The following CACHD1 variants were observed in gnomAD, a reference collection of about 807,000 sequenced individuals.
The protein encoded by CACHD1 is VWFA and cache domain-containing protein 1.
CACHD1 carries 71 observed loss-of-function variants against 138.7 expected under a neutral mutation model. That is an observed-to-expected ratio of 0.51 (90% CI 0.42 to 0.62). CACHD1 has a LOEUF of 0.62. CACHD1 is among the 20% of genes least tolerant of loss of function. CACHD1 has a pLI of 0.00. For synonymous variants in CACHD1, 578 were observed against 591.5 expected (o/e 0.98, Z 0.33); for missense variants, 1,389 against 1,625.3 (o/e 0.85, Z 2.50).
intron 4 of CACHD1, among the ~76,000 whole-genome samples, chr1:64,619,592 T>C (rs933965611): frequency 9.2e-5 from 14 of 152,188 alleles, no homozygotes; most frequent in Non-Finnish European, 2.9e-5. Context: ...GGCAAAAGCA[T>C]CTTGGAATGG....
chr1:64,477,612 ATTATTATTATTATT>A, intron 1 of CACHD1, among the ~76,000 whole-genome samples: 1 of 142,354 alleles, frequency 7.0e-6, no homozygotes, highest in Non-Finnish European at 1.5e-5. Context: ...TATTATTATT[ATTATTATTATTATT>A]TTATTTTATT....
intron 26 of CACHD1, among the ~76,000 whole-genome samples, chr1:64,683,809 G>A (rs1286256803): frequency 1.3e-5 from 2 of 152,206 alleles, no homozygotes; most frequent in African/African-American, 4.8e-5. Flanking sequence ...ATTTAAATGC[G>A]TGTTGGCATC....
At chr1:64,672,470 C>T (rs1342687391) in intron 17 of CACHD1, among the ~76,000 whole-genome samples, 1 of 152,142 alleles carries the variant, frequency 6.6e-6, no homozygotes, top group Non-Finnish European at 1.5e-5. Context: ...GACAGAAAGA[C>T]CACATTCACA....
intron 16 of CACHD1, 24 bp downstream of exon 16, chr1:64,666,191 G>A (rs1251703493): frequency 7.0e-7 from 1 of 1,419,002 alleles, no homozygotes; most frequent in Non-Finnish European, 9.8e-7. Flanking sequence ...TAACTTTATA[G>A]TCATTTCTTA....
chr1:64,603,178 C>A lies in CACHD1; in HGVS notation c.517+266C>A, dbSNP rs562204487. 2.7e-4 allele frequency among the ~76,000 whole-genome samples: 39 copies of A among 142,758 alleles called. No individual in the cohort carries two copies. In the South Asian group the frequency reaches 9.0e-3, roughly 33 times the overall value. The allele number at this position is 142,758 out of a possible 152,430, so 93.7% of individuals were successfully genotyped here. A position where few individuals can be genotyped will look rare whatever the true frequency, so the allele number is the denominator to read the frequency against. On this transcript the variant is annotated intron_variant, in intron 4 of 26. Transcript: ENST00000651257. ...GGAGTGCAGTGCCGCGATCTCGGCTCACTGCAAGCTCCGCCTCCCGGGTTC... is the reference window on the plus strand; with the variant it reads ...GGAGTGCAGTGCCGCGATCTCGGCTAACTGCAAGCTCCGCCTCCCGGGTTC...
chr1:64,569,525 G>A (rs1410116597), intron 2 of CACHD1, among the ~76,000 whole-genome samples: 1 of 152,092 alleles, frequency 6.6e-6, no homozygotes, highest in Non-Finnish European at 1.5e-5. Flanking sequence ...GCTTCTTTAG[G>A]GGGAATGGGT....
intron 4 of CACHD1, among the ~76,000 whole-genome samples, chr1:64,622,585 A>G (rs897214958): frequency 6.6e-6 from 1 of 152,202 alleles, no homozygotes; most frequent in Non-Finnish European, 1.5e-5. Flanking sequence ...TCTCAAGAAT[A>G]CTCAGTAAGT....
chr1:64,679,568 A>G (rs2100733815), intron 23 of CACHD1, 27 bp from the exon 24 acceptor site: 10 of 1,611,738 alleles, frequency 6.2e-6, no homozygotes, highest in Non-Finnish European at 8.5e-6. Context: ...TCTTAACAAG[A>G]AACATCTTCT....
intron 1 of CACHD1, among the ~76,000 whole-genome samples, chr1:64,500,494 A>T (rs180732622): frequency 8.6e-4 from 131 of 152,310 alleles, no homozygotes; most frequent in African/African-American, 2.9e-3. Context: ...CAAACAAAAC[A>T]AATGAAACCC....
chr1:64,635,432 G>A (rs1252990120), intron 7 of CACHD1, among the ~76,000 whole-genome samples: 2 of 143,204 alleles, frequency 1.4e-5, no homozygotes, highest in Non-Finnish European at 3.0e-5. Flanking sequence ...CACCCAGCCT[G>A]GAGTGTGATC....
At chr1:64,476,080 A>G (rs1472809853) in intron 1 of CACHD1, among the ~76,000 whole-genome samples, 1 of 149,136 alleles carries the variant, frequency 6.7e-6, no homozygotes, top group Non-Finnish European at 1.5e-5. Context: ...TGAAATGTCC[A>G]CACACACAGG....
intron 1 of CACHD1, among the ~76,000 whole-genome samples, chr1:64,511,331 C>G (rs1646419281): frequency 1.3e-5 from 2 of 152,194 alleles, no homozygotes; most frequent in Admixed American, 1.3e-4. Context: ...ATTGAACATT[C>G]ACATCCAGGG....
At chr1:64,681,908 C>A in intron 25 of CACHD1, 97 bp from the exon 26 acceptor site, 1 of 1,029,168 alleles carries the variant, frequency 9.7e-7, no homozygotes, top group Non-Finnish European at 1.5e-6. Context: ...AAAGAGAATT[C>A]TCCCAGCATG....
chr1:64,531,569 GA>G (rs775230295), intron 1 of CACHD1, among the ~76,000 whole-genome samples: 17 of 151,430 alleles, frequency 1.1e-4, no homozygotes, highest in Non-Finnish European at 2.1e-4. Context: ...CCAGAACAAT[GA>G]CAAAAAAGAC....
chr1:64,508,438 C>A (rs1646393610), intron 1 of CACHD1, among the ~76,000 whole-genome samples: 1 of 152,214 alleles, frequency 6.6e-6, no homozygotes, highest in Non-Finnish European at 1.5e-5. Context: ...CTGGATTTAG[C>A]AGGGGCTATG....
chr1:64,541,087 T>G lies in CACHD1; in HGVS notation c.199-9507T>G, dbSNP rs1570348666. ...ATGGAAGGAAAGACTTGTTAATTGT[T>G]GAGAGAAGGGGAACATTTTTTAGCC... On this transcript the variant is annotated intron_variant, in intron 1 of 26. Coordinates refer to ENST00000651257, the MANE Select transcript of CACHD1 (RefSeq NM_020925.4). Among the ~76,000 whole-genome samples, 12 of 152,330 alleles carry G rather than the reference T, an allele frequency of 7.9e-5. 2 individuals are homozygous for G.
intron 4 of CACHD1, among the ~76,000 whole-genome samples, chr1:64,623,261 G>C (rs1021805045): frequency 6.6e-6 from 1 of 151,964 alleles, no homozygotes; most frequent in Non-Finnish European, 1.5e-5. Context: ...AATGAGCTGG[G>C]CATGGTGACG....
chr1:64,579,127 G>A (rs978537046), intron 2 of CACHD1, among the ~76,000 whole-genome samples: 4 of 152,232 alleles, frequency 2.6e-5, no homozygotes, highest in South Asian at 2.1e-4. Context: ...GAAAGCAGCC[G>A]TAAACAATAT....
chr1:64,510,014 G>T (rs1484105919), intron 1 of CACHD1, among the ~76,000 whole-genome samples: 1 of 152,206 alleles, frequency 6.6e-6, no homozygotes, highest in East Asian at 1.9e-4. Context: ...ATAGTGAAGA[G>T]ATATTACAAC....
Sources: gnomAD v4.1 joint callset for allele counts (sites outside exome capture counted in the v4.1 genomes callset) on GRCh38, gnomAD v4.1.1 for gene constraint, MANE v1.5 for transcripts, NCBI Gene and HGNC (gene_info 2026-07-23, HGNC 2026-07-21) for gene names.